The following FGF10 variants were observed in gnomAD, a reference collection of about 807,000 sequenced individuals.
FGF10 encodes FGF-10.
In FGF10, 2 loss-of-function variants were observed where a neutral mutation model predicts 19.8. The observed-to-expected ratio is 0.10, with a 90% CI of 0.04 to 0.32. The LOEUF is 0.32. Ranked by LOEUF, FGF10 falls within the 10% of genes least tolerant of loss-of-function variation. The pLI, the probability that FGF10 is intolerant of heterozygous loss-of-function variation, is 1.00. For missense variants in FGF10, 191 were observed against 246.3 expected (o/e 0.78, Z 1.50); for synonymous variants, 112 against 94.0 (o/e 1.19, Z -1.10).
rs1420921873 is a variant in FGF10 at position 44,389,203 on chromosome 5, C to T, written c.-521G>A. Reference sequence around the variant, plus strand: ...TGCGAGCCACTTCTACAAGTATATCCCTTTGGAGTTGTCAGAAGTGGAGGC... The same window carrying T: ...TGCGAGCCACTTCTACAAGTATATCTCTTTGGAGTTGTCAGAAGTGGAGGC... On this transcript the variant is annotated 5_prime_UTR_variant, in exon 1 of 3. Coordinates refer to ENST00000264664, the MANE Select transcript of FGF10 (RefSeq NM_004465.2). 18 of 171,264 alleles carry T rather than the reference C, an allele frequency of 1.1e-4. No individual in the cohort carries two copies. The East Asian group carries it at 2.3e-3, about 22-fold the overall frequency. 10.6% of individuals were successfully genotyped at this position (171,264 alleles called of 1,614,324 possible).
chr5:44,387,113 T>C (rs1214624852), intron 1 of FGF10, among the ~76,000 whole-genome samples: 2 of 152,214 alleles, frequency 1.3e-5, no homozygotes, highest in African/African-American at 4.8e-5. Flanking sequence ...AACATCATTG[T>C]CTACTGTCTT....
chr5:44,346,791 G>A (rs1741099655), intron 1 of FGF10, among the ~76,000 whole-genome samples: 1 of 151,870 alleles, frequency 6.6e-6, no homozygotes. Context: ...TGAGTGTTGA[G>A]CATTTAAAAT....
intron 1 of FGF10, among the ~76,000 whole-genome samples, chr5:44,358,813 A>G (rs593307): frequency 0.65 from 99,007 of 151,356 alleles, 32,626 homozygotes; most frequent in South Asian, 0.71. Context: ...ATCAGTTTTA[A>G]TGGTACATGC....
chr5:44,374,580 G>C (rs990821448), intron 1 of FGF10, among the ~76,000 whole-genome samples: 2 of 152,142 alleles, frequency 1.3e-5, no homozygotes, highest in African/African-American at 4.8e-5. Context: ...CCAAGATAAA[G>C]TAAATGACCT....
At chr5:44,367,086 A>C (rs2111872997) in intron 1 of FGF10, among the ~76,000 whole-genome samples, 1 of 152,216 alleles carries the variant, frequency 6.6e-6, no homozygotes, top group East Asian at 1.9e-4. Context: ...TTTGATATTA[A>C]ACAAATAACA....
intron 1 of FGF10, among the ~76,000 whole-genome samples, chr5:44,387,536 A>G (rs781210960): frequency 1.3e-5 from 2 of 152,222 alleles, no homozygotes; most frequent in East Asian, 1.9e-4. Flanking sequence ...GATGTTTACA[A>G]TGCTGTAGTA....
chr5:44,373,202 C>A (rs146345438), intron 1 of FGF10, among the ~76,000 whole-genome samples: 2 of 152,272 alleles, frequency 1.3e-5, no homozygotes, highest in East Asian at 3.9e-4. Context: ...TAGGTAACCT[C>A]ATCTCTATTC....
chr5:44,319,780 A>G (rs1006202965), intron 1 of FGF10, among the ~76,000 whole-genome samples: 1 of 152,204 alleles, frequency 6.6e-6, no homozygotes, highest in African/African-American at 2.4e-5. Context: ...CTATTTATGT[A>G]TACTTGACAA....
At position 44,347,747 on chromosome 5, in the gene FGF10, C is replaced by G. The variant is rs951851969; in HGVS notation, c.326-37217G>C. Among the ~76,000 whole-genome samples, 14 of 151,742 alleles carry G rather than the reference C, an allele frequency of 9.2e-5. 1 individual carries two copies. Among genetic ancestry groups the G allele is most frequent in the Admixed American group, 2.6e-4 (4 of 15,158 alleles). The stretch of plus-strand genomic sequence containing the variant: ...GCACAAAATAAGTGCTCAATCAATA[C>G]TTGCTAATTAAACTCATCTCATGCC... On this transcript the variant is annotated intron_variant, in intron 1 of 2. Coordinates refer to ENST00000264664, the MANE Select transcript of FGF10 (RefSeq NM_004465.2).
chr5:44,376,210 A>G (rs765570319), intron 1 of FGF10, among the ~76,000 whole-genome samples: 2 of 152,046 alleles, frequency 1.3e-5, no homozygotes, highest in Non-Finnish European at 2.9e-5. Flanking sequence ...ATCTAAACTT[A>G]AAAGATGCAG....
At chr5:44,314,934 A>T (rs969336677) in intron 1 of FGF10, among the ~76,000 whole-genome samples, 5 of 152,192 alleles carry the variant, frequency 3.3e-5, no homozygotes, top group African/African-American at 1.2e-4. Flanking sequence ...ATGGATATAG[A>T]CAAGGAAAAC....
intron 1 of FGF10, among the ~76,000 whole-genome samples, chr5:44,362,010 C>G (rs1217419089): frequency 2.0e-5 from 3 of 151,522 alleles, no homozygotes; most frequent in Non-Finnish European, 4.4e-5. Flanking sequence ...TGCTTCTATT[C>G]CCTGAAGATC....
rs557031697 is a variant in FGF10 at position 44,355,303 on chromosome 5, T to C, written c.325+33055A>G. ...ATTAAAAATGATCTTCAAAAGGCAGTATATAAAGTCAAATTATATTCCCTT... is the reference window on the plus strand; with the variant it reads ...ATTAAAAATGATCTTCAAAAGGCAGCATATAAAGTCAAATTATATTCCCTT... On this transcript the variant is annotated intron_variant, in intron 1 of 2. Coordinates refer to ENST00000264664, the MANE Select transcript of FGF10 (RefSeq NM_004465.2). 1.1e-4 allele frequency among the ~76,000 whole-genome samples: 17 copies of C among 151,400 alleles called. No homozygotes were observed. The Middle Eastern group carries it at 0.027, about 242-fold the overall frequency.
rs1357874095 is a variant in FGF10, at chr5:44,300,542, T to C, written c.*4453A>G. Among the ~76,000 whole-genome samples the C allele has an allele frequency of 2.0e-5, 3 of 152,134 alleles. No homozygotes were observed. The highest frequency in any genetic ancestry group is 4.4e-5 in the Non-Finnish European group (3 of 68,014). ...CAATGCAAATGTAATCTTTCAATGGTAAAGAACATATGAAAGAGAATGATC... is the reference window on the plus strand; with the variant it reads ...CAATGCAAATGTAATCTTTCAATGGCAAAGAACATATGAAAGAGAATGATC... On this transcript the variant is annotated 3_prime_UTR_variant, in exon 3 of 3. Transcript: ENST00000264664.
At chr5:44,367,893 C>A (rs190712568) in intron 1 of FGF10, among the ~76,000 whole-genome samples, 47 of 149,486 alleles carry the variant, frequency 3.1e-4, no homozygotes, top group Admixed American at 1.1e-3. Flanking sequence ...TGTGCTAATA[C>A]ACAAAGTAAT....
At chr5:44,385,307 G>T (rs1742072879) in intron 1 of FGF10, among the ~76,000 whole-genome samples, 1 of 152,070 alleles carries the variant, frequency 6.6e-6, no homozygotes, top group African/African-American at 2.4e-5. Flanking sequence ...GAAGAGCTTT[G>T]TTAACGCATG....
chr5:44,306,173 G>A (rs556525709), intron 2 of FGF10, among the ~76,000 whole-genome samples: 62 of 152,230 alleles, frequency 4.1e-4, no homozygotes, highest in African/African-American at 1.4e-3. Flanking sequence ...TGAGGCAGGC[G>A]AATCACAAGG....
intron 1 of FGF10, among the ~76,000 whole-genome samples, chr5:44,378,315 G>A (rs575946915): frequency 6.6e-6 from 1 of 152,282 alleles, no homozygotes; most frequent in African/African-American, 2.4e-5. Flanking sequence ...TTGGATTTGA[G>A]AATTTTGGAT....
At position 44,388,693 on chromosome 5, in the gene FGF10, C is replaced by T; in HGVS notation, c.-11G>A. ...TATCCATTTCCACATTGTACTGAAACTCTCGGCACTGGAAATTGTCTCATC... is the reference window on the plus strand; with the variant it reads ...TATCCATTTCCACATTGTACTGAAATTCTCGGCACTGGAAATTGTCTCATC... On this transcript the variant is annotated 5_prime_UTR_variant, in exon 1 of 3. Coordinates refer to ENST00000264664, the MANE Select transcript of FGF10 (RefSeq NM_004465.2). 6.2e-7 allele frequency: 1 copy of T among 1,613,854 alleles called. No homozygotes were observed. Among genetic ancestry groups the T allele is most frequent in the African/African-American group, 1.3e-5 (1 of 75,024 alleles).
Sources: allele counts gnomAD v4.1 joint callset (sites outside exome capture counted in the v4.1 genomes callset), GRCh38; gene constraint gnomAD v4.1.1; transcripts MANE v1.5; gene names NCBI Gene and HGNC (gene_info 2026-07-23, HGNC 2026-07-21).